The following CNNM2 variants were observed in gnomAD, a reference collection of about 807,000 sequenced individuals.
CNNM2 encodes metal transporter CNNM2.
In CNNM2, 12 loss-of-function variants were observed where a neutral mutation model predicts 66.9. The ratio of observed to expected loss-of-function variants is 0.18; its 90% CI spans 0.11 to 0.29. CNNM2 has a LOEUF of 0.29. Among genes scored for constraint, CNNM2 ranks in the 10% least tolerant of loss-of-function variants. The pLI is 1.00. For synonymous variants in CNNM2, 557 were observed against 501.8 expected, an observed-to-expected ratio of 1.11 and a Z score of -1.47; for missense variants, 705 against 1,167.7, an observed-to-expected ratio of 0.60 and a Z score of 5.77.
chr10:103,051,924 CAG>C (rs1237066036), intron 2 of CNNM2, among the ~76,000 whole-genome samples: 3 of 152,120 alleles, frequency 2.0e-5, no homozygotes, highest in Admixed American at 1.3e-4. Flanking sequence ...TCAGAGGTCT[CAG>C]AGAATATTAT....
At chr10:102,988,769 A>G (rs781508016) in intron 1 of CNNM2, among the ~76,000 whole-genome samples, 1 of 152,102 alleles carries the variant, frequency 6.6e-6, no homozygotes, top group Non-Finnish European at 1.5e-5. Context: ...TTCATCCACA[A>G]TTAGAGAATA....
chr10:102,970,730 C>T (rs2063534551), intron 1 of CNNM2, among the ~76,000 whole-genome samples: 2 of 152,182 alleles, frequency 1.3e-5, no homozygotes, highest in African/African-American at 2.4e-5. Context: ...TGGGCCAGTT[C>T]ACCCCCCTTC....
intron 3 of CNNM2, among the ~76,000 whole-genome samples, chr10:103,056,477 G>A (rs2065299123): frequency 6.6e-6 from 1 of 152,134 alleles, no homozygotes; most frequent in Non-Finnish European, 1.5e-5. Flanking sequence ...GCTTGTTGAG[G>A]GGCATCCCCC....
At chr10:103,021,471 C>T (rs1223599255) in intron 1 of CNNM2, among the ~76,000 whole-genome samples, 2 of 152,048 alleles carry the variant, frequency 1.3e-5, no homozygotes, top group Non-Finnish European at 2.9e-5. Flanking sequence ...GAAATTAGTC[C>T]TGATGGTGCT....
At chr10:103,032,120 C>G (rs1243317028) in intron 1 of CNNM2, among the ~76,000 whole-genome samples, 2 of 152,100 alleles carry the variant, frequency 1.3e-5, no homozygotes, top group African/African-American at 4.8e-5. Flanking sequence ...TCCCCTTGAT[C>G]CCTGGTTGAA....
In CNNM2 at chr10:103,068,706, C is replaced by T; in HGVS notation, c.2151C>T (p.Ala717=). The change falls in exon 5 of 8, where the codon GCC becomes GCT. Residue 717 remains alanine, a synonymous_variant. Coordinates refer to ENST00000369878, the MANE Select transcript of CNNM2 (RefSeq NM_017649.5). ...ASAFSYYGVM[A]LTASPVPLSL... is the part of the protein sequence containing the mutation. ...CCTTCTCATACTATGGCGTGATGGC[C>T]CTGACAGCCTCTCCAGGTATGTTTG... 6.2e-7 allele frequency: 1 copy of T among 1,612,508 alleles called. No homozygotes were observed. Among genetic ancestry groups the T allele is most frequent in the Non-Finnish European group, 8.5e-7 (1 of 1,179,306 alleles).
At chr10:102,928,599 A>AG (rs1845959096) in intron 1 of CNNM2, among the ~76,000 whole-genome samples, 1 of 143,410 alleles carries the variant, frequency 7.0e-6, no homozygotes, top group Admixed American at 7.0e-5. Flanking sequence ...AAAAAAAAAA[A>AG]GAAATTTATT....
At chr10:102,934,487 G>C (rs1444082335) in intron 1 of CNNM2, among the ~76,000 whole-genome samples, 1 of 151,744 alleles carries the variant, frequency 6.6e-6, no homozygotes, top group African/African-American at 2.4e-5. Context: ...CACCATGTTG[G>C]CGAGGCTGGT....
chr10:103,068,603 A>C, intron 4 of CNNM2, 26 bp from the exon 5 acceptor site: 1 of 1,591,206 alleles, frequency 6.3e-7, no homozygotes, highest in South Asian at 1.1e-5. Context: ...AACTGGACTG[A>C]AAATACCTGC....
Position 103,041,297 on chromosome 10 carries a change from C to G in CNNM2, c.1622-8410C>G, listed in dbSNP as rs146374820. 1.4e-4 allele frequency among the ~76,000 whole-genome samples: 22 copies of G among 152,240 alleles called. No individual in the cohort carries two copies. In the East Asian group the frequency reaches 3.3e-3, roughly 23 times the overall value. The stretch of plus-strand genomic sequence containing the variant: ...TGTCAAGTTTCACTGAGCTGTGAAA[C>G]TTATGCAGCTGTGTGTGTGTACCTA... On this transcript the variant is annotated intron_variant, in intron 1 of 7. Transcript: ENST00000369878.
chr10:103,071,288 T>C (rs769503897), intron 5 of CNNM2, among the ~76,000 whole-genome samples: 23 of 152,216 alleles, frequency 1.5e-4, no homozygotes, highest in Non-Finnish European at 3.1e-4. Flanking sequence ...TATGTTGAGA[T>C]TTGAAAGCGT....
chr10:103,006,350 G>T (rs2064227336), intron 1 of CNNM2, among the ~76,000 whole-genome samples: 1 of 152,024 alleles, frequency 6.6e-6, no homozygotes, highest in Admixed American at 6.6e-5. Context: ...GGGATTATAG[G>T]CACCTGCTGC....
At position 102,955,695 on chromosome 10, in the gene CNNM2, C is replaced by G. The variant is rs546713841; in HGVS notation, c.1621+35594C>G. Among the ~76,000 whole-genome samples, 917 of 152,184 alleles carry G rather than the reference C, an allele frequency of 6.0e-3. 6 individuals are homozygous for G. The highest frequency in any genetic ancestry group is 0.034 in the Middle Eastern group (10 of 294). ...ATTTACAAGAAAAAAACAAACAACC[C>G]CATCAAAAAGTGGGCAAAGGATATG... On this transcript the variant is annotated intron_variant, in intron 1 of 7. Transcript: ENST00000369878.
At chr10:102,964,888 A>C (rs2063436505) in intron 1 of CNNM2, among the ~76,000 whole-genome samples, 2 of 152,156 alleles carry the variant, frequency 1.3e-5, no homozygotes, top group Admixed American at 6.5e-5. Context: ...GAGGGAGTTA[A>C]GGCCATGAGG....
chr10:102,922,545 T>C (rs1368775358), intron 1 of CNNM2, among the ~76,000 whole-genome samples: 1 of 152,178 alleles, frequency 6.6e-6, no homozygotes, highest in African/African-American at 2.4e-5. Flanking sequence ...CTCTCCTAAA[T>C]TCCTCATTTA....
intron 1 of CNNM2, among the ~76,000 whole-genome samples, chr10:103,013,589 A>G (rs1158983994): frequency 6.6e-6 from 1 of 152,190 alleles, no homozygotes; most frequent in Admixed American, 6.5e-5. Context: ...TTGAAGTAAC[A>G]GCTCCCTTTA....
intron 1 of CNNM2, among the ~76,000 whole-genome samples, chr10:102,937,051 T>G (rs1422126419): frequency 6.6e-6 from 1 of 152,240 alleles, no homozygotes; most frequent in African/African-American, 2.4e-5. Flanking sequence ...AGTAGTATTT[T>G]AAAGCCCGTA....
At chr10:103,028,251 C>T (rs1026776992) in intron 1 of CNNM2, among the ~76,000 whole-genome samples, 7 of 152,200 alleles carry the variant, frequency 4.6e-5, no homozygotes, top group African/African-American at 1.7e-4. Flanking sequence ...TTTACGGAAG[C>T]AAATGAATGT....
chr10:103,071,238 C>G (rs2065575696), intron 5 of CNNM2, among the ~76,000 whole-genome samples: 1 of 152,152 alleles, frequency 6.6e-6, no homozygotes, highest in Non-Finnish European at 1.5e-5. Context: ...GGTCTGCATT[C>G]CCAGGAAATC....
Sources: allele counts gnomAD v4.1 joint callset (sites outside exome capture counted in the v4.1 genomes callset), GRCh38; gene constraint gnomAD v4.1.1; transcripts MANE v1.5; gene names NCBI Gene and HGNC (gene_info 2026-07-23, HGNC 2026-07-21).